The following TPTE variants were observed in gnomAD, a reference collection of about 807,000 sequenced individuals.
TPTE encodes the protein putative tyrosine-protein phosphatase TPTE.
TPTE carries 59 observed loss-of-function variants against 84.1 expected under a neutral mutation model. That is an observed-to-expected ratio of 0.70 (90% CI 0.57 to 0.87). TPTE has a LOEUF of 0.87. Among genes scored for constraint, TPTE ranks in the 40% least tolerant of loss-of-function variants. TPTE has a pLI of 0.00. For missense variants in TPTE, 382 were observed against 659.6 expected (o/e 0.58, Z 4.61); for synonymous variants, 130 against 223.5 (o/e 0.58, Z 3.73).
intron 17 of TPTE, 46 bp from the exon 18 acceptor site, chr21:10,590,416 T>G (rs1344336707): frequency 6.2e-7 from 1 of 1,611,814 alleles, no homozygotes; most frequent in Non-Finnish European, 8.5e-7. Context: ...TCTGAGTGTA[T>G]TTTTATACCA....
chr21:10,546,681 A>G (rs971757308), intron 7 of TPTE, among the ~76,000 whole-genome samples: 1 of 152,306 alleles, frequency 6.6e-6, no homozygotes, highest in Non-Finnish European at 1.5e-5. Context: ...AGAATGTTGT[A>G]GTGGTCTGGA....
At chr21:10,588,521 G>A (rs1485217468) in intron 17 of TPTE, among the ~76,000 whole-genome samples, 4 of 152,310 alleles carry the variant, frequency 2.6e-5, no homozygotes, top group African/African-American at 7.2e-5. Context: ...TATCTCACAG[G>A]TGCCGTCTGG....
intron 21 of TPTE, among the ~76,000 whole-genome samples, chr21:10,598,531 C>G (rs1469759323): frequency 1.5e-4 from 23 of 152,346 alleles, no homozygotes; most frequent in Non-Finnish European, 1.2e-4. Context: ...CTAGGTTGTA[C>G]CCCCAAAGTA....
intron 7 of TPTE, among the ~76,000 whole-genome samples, chr21:10,549,135 A>C (rs552436509): frequency 6.6e-6 from 1 of 152,428 alleles, no homozygotes; most frequent in East Asian, 1.9e-4. Context: ...AGCTGAATAA[A>C]CTACATGGAG....
At chr21:10,528,339 A>T (rs1462306450) in intron 3 of TPTE, among the ~76,000 whole-genome samples, 1 of 152,426 alleles carries the variant, frequency 6.6e-6, no homozygotes, top group East Asian at 1.9e-4. Flanking sequence ...TATATTGGAG[A>T]TGGGAGGAAT....
chr21:10,535,412 G>A (rs1325586129), intron 3 of TPTE, among the ~76,000 whole-genome samples: 1 of 152,304 alleles, frequency 6.6e-6, no homozygotes, highest in Non-Finnish European at 1.5e-5. Flanking sequence ...AAAATTCACT[G>A]TCAGGCATAT....
At chr21:10,526,034 T>G (rs568847510) in intron 2 of TPTE, among the ~76,000 whole-genome samples, 2 of 152,424 alleles carry the variant, frequency 1.3e-5, no homozygotes, top group East Asian at 3.8e-4. Context: ...AATTCTTACC[T>G]TTTTGGTGTT....
chr21:10,567,198 G>C (rs1394281096), intron 10 of TPTE, among the ~76,000 whole-genome samples: 2 of 152,304 alleles, frequency 1.3e-5, no homozygotes. Flanking sequence ...CTTGGGGGTG[G>C]GGAGATGGGG....
At chr21:10,534,873 C>G (rs1275813983) in intron 3 of TPTE, among the ~76,000 whole-genome samples, 114 of 152,384 alleles carry the variant, frequency 7.5e-4, no homozygotes, top group African/African-American at 2.6e-3. Context: ...TTTCAGAAAA[C>G]TGTTGGATTG....
In TPTE at chr21:10,605,480, A is replaced by G. The variant is rs1459891297; in HGVS notation, c.1584A>G (p.Pro528=). 5 of 1,614,124 alleles carry G rather than the reference A, an allele frequency of 3.1e-6. No homozygotes were observed. The highest frequency in any genetic ancestry group is 3.4e-6 in the Non-Finnish European group (4 of 1,180,034). Residue 528 remains proline, a synonymous_variant, in exon 24 of 24, where the codon CCA becomes CCG. Transcript: ENST00000618007. ...LHKQKARRIY[P]SDFAVEILFG... ...AACAAAAAGCACGGAGAATTTATCC[A>G]TCAGATTTTGCCGTGGAGATACTTT...
intron 17 of TPTE, among the ~76,000 whole-genome samples, chr21:10,589,527 T>A (rs1183915775): frequency 1.2e-4 from 18 of 152,374 alleles, no homozygotes; most frequent in African/African-American, 4.1e-4. Flanking sequence ...TAGGGAAGAT[T>A]CCCCCAGTGT....
intron 21 of TPTE, among the ~76,000 whole-genome samples, chr21:10,600,786 A>G (rs1978385961): frequency 6.6e-6 from 1 of 152,310 alleles, no homozygotes; most frequent in Non-Finnish European, 1.5e-5. Flanking sequence ...TTCTATGAGA[A>G]TGAGTCAAAG....
intron 7 of TPTE, among the ~76,000 whole-genome samples, chr21:10,552,402 T>C (rs2074592301): frequency 6.6e-6 from 1 of 152,296 alleles, no homozygotes; most frequent in African/African-American, 2.4e-5. Flanking sequence ...TATATGCATA[T>C]ATATAGAAAG....
At chr21:10,569,898 A>C in intron 13 of TPTE, 152 bp downstream of exon 13, 1 of 1,539,172 alleles carries the variant, frequency 6.5e-7, no homozygotes. Flanking sequence ...TTTGTGGTTT[A>C]GCCCTGGCAA....
chr21:10,529,279 T>C (rs1456078101), intron 3 of TPTE, among the ~76,000 whole-genome samples: 14 of 152,296 alleles, frequency 9.2e-5, no homozygotes, highest in African/African-American at 3.4e-4. Context: ...TAAAAGTTCA[T>C]TTGAAGGATA....
At chr21:10,598,168 C>T (rs369840193) in intron 21 of TPTE, 74 bp downstream of exon 21, 58 of 1,578,548 alleles carry the variant, frequency 3.7e-5, no homozygotes, top group African/African-American at 2.3e-4. Flanking sequence ...CAATGTTCAC[C>T]TCCCTAAACT....
intron 10 of TPTE, among the ~76,000 whole-genome samples, chr21:10,566,455 C>G (rs1375288840): frequency 6.6e-6 from 1 of 152,302 alleles, no homozygotes; most frequent in South Asian, 2.1e-4. Context: ...GGAGGTTACT[C>G]AAAAAACTAA....
At chr21:10,597,944 T>A in intron 20 of TPTE, 71 bp from the exon 21 acceptor site, 1 of 1,559,904 alleles carries the variant, frequency 6.4e-7, no homozygotes, top group Admixed American at 1.8e-5. Context: ...TAATCCATGA[T>A]GTTAATTGGT....
Position 10,572,505 on chromosome 21 carries a change from A to G in TPTE, c.795+1956A>G, listed in dbSNP as rs12481802. On this transcript the variant is annotated intron_variant, in intron 14 of 23. Transcript: ENST00000618007. ...TTAAAAACAGCAAGAAAAAAGCATC[A>G]AGTCACATATAAGGGAAACTCCATT... Among the ~76,000 whole-genome samples the G allele has an allele frequency of 1.3e-3, 197 of 151,856 alleles. No homozygotes were observed. The East Asian group carries it at 0.018, about 14-fold the overall frequency.
Sources: allele counts gnomAD v4.1 joint callset (sites outside exome capture counted in the v4.1 genomes callset), GRCh38; gene constraint gnomAD v4.1.1; transcripts MANE v1.5; gene names NCBI Gene and HGNC (gene_info 2026-07-23, HGNC 2026-07-21).